Variants in RAD51B observed in about 807,000 individuals in gnomAD.
RAD51B encodes DNA repair protein RAD51 homolog 2.
In RAD51B, 38 loss-of-function variants were observed where a neutral mutation model predicts 42.2. The observed-to-expected ratio is 0.90, with a 90% CI of 0.70 to 1.18. The LOEUF (loss-of-function observed/expected upper bound fraction) is 1.18. Among genes scored for constraint, RAD51B ranks in the 50% most tolerant of loss-of-function variants. The pLI is 0.00. For missense variants in RAD51B, 373 were observed against 400.7 expected, an observed-to-expected ratio of 0.93 and a Z score of 0.59; for synonymous variants, 154 against 145.2, an observed-to-expected ratio of 1.06 and a Z score of -0.43.
chr14:68,511,811 G>A lies in RAD51B; in HGVS notation c.1036+43561G>A, dbSNP rs146100233. The stretch of plus-strand genomic sequence containing the variant: ...CAAAGTGATCTAGGGGGCATAGGGA[G>A]TCCAGGATTTGCTTGACTATCTCAT... On this transcript the variant is annotated intron_variant, in intron 10 of 10. Coordinates refer to the RAD51B transcript ENST00000487270. Among the ~76,000 whole-genome samples, 432 of 152,312 alleles carry A rather than the reference G, an allele frequency of 2.8e-3. 6 individuals carry two copies. The highest frequency in any genetic ancestry group is 9.8e-3 in the African/African-American group (409 of 41,574).
At chr14:67,828,831 C>T (rs1201265115) in intron 3 of RAD51B, among the ~76,000 whole-genome samples, 2 of 152,058 alleles carry the variant, frequency 1.3e-5, no homozygotes, top group Non-Finnish European at 2.9e-5. Flanking sequence ...TTCTTCTGTT[C>T]CATTGGTCTA....
At chr14:67,968,015 C>T (rs1198101753) in intron 7 of RAD51B, among the ~76,000 whole-genome samples, 1 of 152,176 alleles carries the variant, frequency 6.6e-6, no homozygotes, top group East Asian at 1.9e-4. Flanking sequence ...GTGGAGGTTC[C>T]CAAACCTCAA....
At chr14:68,593,549 G>A (rs1890851730) in intron 10 of RAD51B, among the ~76,000 whole-genome samples, 1 of 152,142 alleles carries the variant, frequency 6.6e-6, no homozygotes, top group Non-Finnish European at 1.5e-5. Flanking sequence ...GGGACAAGAG[G>A]GAATTCACAT....
intron 7 of RAD51B, among the ~76,000 whole-genome samples, chr14:68,107,899 A>G (rs1222607077): frequency 1.3e-5 from 2 of 151,830 alleles, no homozygotes; most frequent in African/African-American, 4.8e-5. Context: ...AAGACAGTCC[A>G]CAGAAAAGAA....
At chr14:68,545,492 G>T in intron 10 of RAD51B, 1 of 452,118 alleles carries the variant, frequency 2.2e-6, no homozygotes, top group Non-Finnish European at 4.4e-6. Context: ...GAACAATATT[G>T]CCCTTGTCTT....
chr14:68,014,849 CA>C (rs111996389), intron 7 of RAD51B, among the ~76,000 whole-genome samples: 8,454 of 104,676 alleles, frequency 0.081, 444 homozygotes, highest in African/African-American at 0.18. Context: ...AGAATGAATG[CA>C]AAAAAAAAAA....
intron 7 of RAD51B, among the ~76,000 whole-genome samples, chr14:67,961,637 T>C (rs2074669879): frequency 6.6e-6 from 1 of 152,208 alleles, no homozygotes; most frequent in Non-Finnish European, 1.5e-5. Flanking sequence ...AGCAAACATC[T>C]TGGAAACAGT....
At chr14:68,143,793 G>A (rs2078191130) in intron 7 of RAD51B, among the ~76,000 whole-genome samples, 1 of 152,026 alleles carries the variant, frequency 6.6e-6, no homozygotes, top group East Asian at 1.9e-4. Context: ...TGGCATTGGT[G>A]GAAGGGTATT....
At chr14:68,215,061 A>G (rs1166394807) in intron 7 of RAD51B, among the ~76,000 whole-genome samples, 1 of 152,228 alleles carries the variant, frequency 6.6e-6, no homozygotes, top group Non-Finnish European at 1.5e-5. Flanking sequence ...AAAAAACTTG[A>G]AGAAGATTAA....
At chr14:68,499,284 C>T (rs1044843452) in intron 10 of RAD51B, among the ~76,000 whole-genome samples, 2 of 152,080 alleles carry the variant, frequency 1.3e-5, no homozygotes, top group South Asian at 2.1e-4. Flanking sequence ...TCTTACTAAG[C>T]GGAAAGAACT....
At chr14:67,903,236 T>G (rs1267622380) in intron 7 of RAD51B, among the ~76,000 whole-genome samples, 2 of 152,206 alleles carry the variant, frequency 1.3e-5, no homozygotes, top group African/African-American at 4.8e-5. Context: ...TGATCGTTTA[T>G]TTGTACCAGC....
intron 7 of RAD51B, among the ~76,000 whole-genome samples, chr14:68,092,955 A>C (rs1351161724): frequency 1.3e-5 from 2 of 150,212 alleles, no homozygotes; most frequent in African/African-American, 2.5e-5. Context: ...CTATTGAGAT[A>C]ATCATGTGGT....
chr14:68,464,706 T>C (rs1369027901), intron 9 of RAD51B, among the ~76,000 whole-genome samples: 1 of 152,218 alleles, frequency 6.6e-6, no homozygotes, highest in Non-Finnish European at 1.5e-5. Flanking sequence ...GTTTGTCACA[T>C]TTTTTGCTGA....
intron 10 of RAD51B, among the ~76,000 whole-genome samples, chr14:68,539,261 T>A (rs2140364267): frequency 6.6e-6 from 1 of 152,340 alleles, no homozygotes; most frequent in Admixed American, 6.5e-5. Flanking sequence ...AGATTTTTGA[T>A]AACTGACAAA....
intron 8 of RAD51B, among the ~76,000 whole-genome samples, chr14:68,362,588 A>G (rs573186495): frequency 1.1e-4 from 16 of 152,246 alleles, no homozygotes; most frequent in Middle Eastern, 3.4e-3. Context: ...AGTGGCTCAC[A>G]CCTGTAATCC....
At chr14:67,820,464 G>A (rs2040587906) in intron 1 of RAD51B, among the ~76,000 whole-genome samples, 1 of 152,102 alleles carries the variant, frequency 6.6e-6, no homozygotes, top group Admixed American at 6.5e-5. Flanking sequence ...TTGGTGGTAA[G>A]GAGGACAGGG....
At chr14:68,062,184 G>A (rs1001943885) in intron 7 of RAD51B, among the ~76,000 whole-genome samples, 3 of 152,132 alleles carry the variant, frequency 2.0e-5, no homozygotes, top group Admixed American at 6.5e-5. Context: ...CTGTTGATAT[G>A]AGGTGTCATG....
chr14:68,441,856 T>C (rs1407162031), intron 9 of RAD51B, among the ~76,000 whole-genome samples: 1 of 152,174 alleles, frequency 6.6e-6, no homozygotes, highest in East Asian at 1.9e-4. Flanking sequence ...AAAAGTCTCA[T>C]TATCAACGGG....
At chr14:68,264,923 A>G (rs2080960674) in intron 7 of RAD51B, among the ~76,000 whole-genome samples, 1 of 152,198 alleles carries the variant, frequency 6.6e-6, no homozygotes, top group Admixed American at 6.5e-5. Context: ...AAAACATGGA[A>G]TAGGGAACTC....
Sources: gnomAD v4.1 joint callset for allele counts (sites outside exome capture counted in the v4.1 genomes callset) on GRCh38, gnomAD v4.1.1 for gene constraint, MANE v1.5 for transcripts, NCBI Gene and HGNC (gene_info 2026-07-23, HGNC 2026-07-21) for gene names.